The following DSG2 variants were observed in gnomAD, a reference collection of about 807,000 sequenced individuals.
The protein encoded by DSG2 is desmoglein-2.
A neutral mutation model predicts 75.6 loss-of-function variants in DSG2; 45 were observed. The ratio of observed to expected loss-of-function variants is 0.60; its 90% CI spans 0.47 to 0.76. The LOEUF is 0.76. DSG2 is among the 30% of genes least tolerant of loss of function. The pLI, the probability that DSG2 is intolerant of heterozygous loss-of-function variation, is 0.00. For synonymous variants in DSG2, 429 were observed against 483.9 expected (o/e 0.89, Z 1.49); for missense variants, 1,267 against 1,357.4 (o/e 0.93, Z 1.05).
Position 31,546,695 on chromosome 18 carries a change from T to G in DSG2, c.3309T>G (p.Ser1103=). The change falls in exon 15 of 15, where the codon TCT becomes TCG. Residue 1103 remains serine, a synonymous_variant. Transcript: ENST00000261590. ...ATTCTAATTCTACCATAACCACATC[T>G]TCCACCAGAGTTACCAAGCATAGCA... ...SGHSNSTITT[S]STRVTKHSTV... is the part of the protein sequence containing the mutation. 6.2e-7 allele frequency: 1 copy of G among 1,614,122 alleles called. No individual in the cohort carries two copies. Among genetic ancestry groups the G allele is most frequent in the Non-Finnish European group, 8.5e-7 (1 of 1,180,002 alleles).
chr18:31,499,191 T>G (rs1223256991), intron 1 of DSG2, among the ~76,000 whole-genome samples: 2 of 152,264 alleles, frequency 1.3e-5, no homozygotes, highest in Non-Finnish European at 2.9e-5. Flanking sequence ...TGAGTTCACC[T>G]TCCAGAGAGT....
chr18:31,511,891 G>A (rs1052786577), intron 1 of DSG2, among the ~76,000 whole-genome samples: 2 of 152,112 alleles, frequency 1.3e-5, no homozygotes, highest in African/African-American at 4.8e-5. Context: ...CGATCCCCCT[G>A]ATAGCCGCTG....
chr18:31,530,913 C>CACATGT, intron 8 of DSG2, 74 bp from the exon 9 acceptor site: 1 of 1,421,898 alleles, frequency 7.0e-7, no homozygotes, highest in Non-Finnish European at 9.8e-7. Context: ...ATTAAAACCA[C>CACATGT]ACATGTATAT....
At chr18:31,535,760 T>C in intron 10 of DSG2, among the ~76,000 whole-genome samples, 1 of 145,422 alleles carries the variant, frequency 6.9e-6, no homozygotes, top group South Asian at 2.2e-4. Flanking sequence ...AAAGGGAGAC[T>C]CCAACTCAAA....
At chr18:31,516,072 A>G (rs1202632716) in intron 1 of DSG2, among the ~76,000 whole-genome samples, 6 of 152,194 alleles carry the variant, frequency 3.9e-5, no homozygotes, top group Admixed American at 3.9e-4. Flanking sequence ...CAATAATTTC[A>G]ATTTGGAATT....
intron 1 of DSG2, among the ~76,000 whole-genome samples, chr18:31,501,723 G>A (rs1232159596): frequency 1.3e-5 from 2 of 152,242 alleles, no homozygotes; most frequent in East Asian, 1.9e-4. Context: ...TAAGAACATC[G>A]GTTGTACTGG....
chr18:31,522,383 T>C, intron 6 of DSG2, 134 bp downstream of exon 6: 1 of 906,956 alleles, frequency 1.1e-6, no homozygotes, highest in East Asian at 2.7e-5. Flanking sequence ...TTACTCTCTT[T>C]TAGGGATGTG....
At position 31,498,200 on chromosome 18, in the gene DSG2, G is replaced by A. The variant is rs2072993078; in HGVS notation, c.-52G>A. The A allele has an allele frequency of 2.4e-6, 3 of 1,230,772 alleles. No homozygotes were observed. Among genetic ancestry groups the A allele is most frequent in the Non-Finnish European group, 3.0e-6 (3 of 983,902 alleles). The allele number at this position is 1,230,772 out of a possible 1,614,324, so 76.2% of individuals were successfully genotyped here. A position where few individuals can be genotyped will look rare whatever the true frequency, so the allele number is the denominator to read the frequency against. On this transcript the variant is annotated 5_prime_UTR_variant, in exon 1 of 15. Coordinates refer to ENST00000261590, the MANE Select transcript of DSG2 (RefSeq NM_001943.5). ...GGGAGGAGCCGAGTGCGCGCTCGGG[G>A]CAGGCGGCGGCGCGGAGCGGTGCGG... is the stretch of plus-strand genomic sequence containing the variant.
intron 9 of DSG2, 39 bp from the exon 10 acceptor site, chr18:31,535,231 G>A: frequency 1.4e-6 from 2 of 1,394,506 alleles, no homozygotes; most frequent in Non-Finnish European, 2.0e-6. Flanking sequence ...TCCAATTCAT[G>A]CAGAATTCAA....
intron 2 of DSG2, 150 bp from the exon 3 acceptor site, chr18:31,519,653 T>C (rs1410074254): frequency 1.3e-6 from 1 of 784,710 alleles, no homozygotes. Flanking sequence ...AGAATATATA[T>C]ATTCCCTTTT....
At chr18:31,542,959 G>GT (rs10714882) in intron 14 of DSG2, 107 bp downstream of exon 14, 83,433 of 672,180 alleles carry the variant, frequency 0.12, 23 homozygotes, top group South Asian at 0.16. Context: ...GAGACTTTGG[G>GT]TTTTTTTTTT....
At chr18:31,532,458 C>T (rs1274899592) in intron 9 of DSG2, among the ~76,000 whole-genome samples, 3 of 152,066 alleles carry the variant, frequency 2.0e-5, no homozygotes, top group Non-Finnish European at 4.4e-5. Flanking sequence ...CATAGCAGTC[C>T]CTGTGTACCA....
intron 12 of DSG2, among the ~76,000 whole-genome samples, chr18:31,540,726 G>C (rs1451945884): frequency 2.0e-5 from 3 of 152,164 alleles, no homozygotes; most frequent in Non-Finnish European, 4.4e-5. Flanking sequence ...CTTGGTCTTT[G>C]CTTCCTCCTA....
chr18:31,499,451 G>A (rs1359062097), intron 1 of DSG2, among the ~76,000 whole-genome samples: 6 of 152,106 alleles, frequency 3.9e-5, no homozygotes, highest in Non-Finnish European at 8.8e-5. Flanking sequence ...TCAGGTGGAA[G>A]AGCATGATAA....
chr18:31,505,656 C>CTTTTTTTTT (rs558578470), intron 1 of DSG2, among the ~76,000 whole-genome samples: 1 of 136,080 alleles, frequency 7.3e-6, no homozygotes, highest in Admixed American at 7.4e-5. Context: ...ATTTTTTTTT[C>CTTTTTTTTT]TTTTTTTTTT....
rs2073325423 is a variant in DSG2, at chr18:31,547,791, G to C, written c.*1048G>C. On this transcript the variant is annotated 3_prime_UTR_variant, in exon 15 of 15. Coordinates refer to ENST00000261590, the MANE Select transcript of DSG2 (RefSeq NM_001943.5). Reference sequence around the variant, plus strand: ...GAATAATCCAAAACAAAATTTATAAGTATAAAATAATTTTACTTCTTATAG... The same window carrying C: ...GAATAATCCAAAACAAAATTTATAACTATAAAATAATTTTACTTCTTATAG... 2 of 151,868 alleles carry C rather than the reference G, an allele frequency of 1.3e-5. No individual in the cohort carries two copies. Among genetic ancestry groups the C allele is most frequent in the East Asian group, 3.8e-4 (2 of 5,202 alleles). 9.4% of individuals were successfully genotyped at this position (151,868 alleles called of 1,614,324 possible).
chr18:31,522,963 A>G (rs2144319317), intron 6 of DSG2, among the ~76,000 whole-genome samples: 1 of 152,364 alleles, frequency 6.6e-6, no homozygotes, highest in African/African-American at 2.4e-5. Flanking sequence ...ATTTTTAAAT[A>G]AAAAGGGGAG....
At chr18:31,498,949 C>T (rs1205270093) in intron 1 of DSG2, among the ~76,000 whole-genome samples, 2 of 152,054 alleles carry the variant, frequency 1.3e-5, no homozygotes, top group African/African-American at 2.4e-5. Flanking sequence ...AGTTTGAAGC[C>T]TTATTCATTT....
intron 14 of DSG2, 146 bp downstream of exon 14, chr18:31,542,998 C>A: frequency 3.0e-6 from 2 of 669,938 alleles, no homozygotes; most frequent in Non-Finnish European, 4.7e-6. Context: ...TACTTATAGG[C>A]AATAAGGAAA....
Sources: allele counts gnomAD v4.1 joint callset (sites outside exome capture counted in the v4.1 genomes callset), GRCh38; gene constraint gnomAD v4.1.1; transcripts MANE v1.5; gene names NCBI Gene and HGNC (gene_info 2026-07-23, HGNC 2026-07-21).